Variants in LZTS1 observed in about 807,000 individuals in gnomAD.
LZTS1 encodes leucine zipper putative tumor suppressor 1.
LZTS1 carries 31 observed loss-of-function variants against 45.8 expected under a neutral mutation model. That is an observed-to-expected ratio of 0.68 (90% CI 0.51 to 0.91). LZTS1 has a LOEUF of 0.91. Among genes scored for constraint, LZTS1 ranks in the 40% least tolerant of loss-of-function variants. LZTS1 has a pLI of 0.00. For synonymous variants in LZTS1, 359 were observed against 357.3 expected, an observed-to-expected ratio of 1.00 and a Z score of -0.05; for missense variants, 821 against 788.9, an observed-to-expected ratio of 1.04 and a Z score of -0.49.
chr8:20,294,275 G>C (rs2128899313), intron 1 of LZTS1, among the ~76,000 whole-genome samples: 1 of 152,356 alleles, frequency 6.6e-6, no homozygotes, highest in African/African-American at 2.4e-5. Flanking sequence ...TGGAAGCCCA[G>C]AGAAGCCAAA....
In LZTS1 at chr8:20,253,006, G is replaced by A. The variant is rs1799978112; in HGVS notation, c.925C>T (p.Pro309Ser). Residue 309 changes from proline to serine, a missense_variant, in exon 3 of 4, where the codon CCG becomes TCG. Transcript: ENST00000381569. ...PRRCRDELEGPEPKGGNKLKQ... is the reference protein window; with the variant it reads ...PRRCRDELEGSEPKGGNKLKQ... Reference sequence around the variant, plus strand: ...AGCTTGTTGCCGCCTTTGGGCTCCGGGCCCTCCAGCTCGTCCCTGCAGCGC... The same window carrying A: ...AGCTTGTTGCCGCCTTTGGGCTCCGAGCCCTCCAGCTCGTCCCTGCAGCGC... 6.3e-7 allele frequency: 1 copy of A among 1,592,588 alleles called. No individual in the cohort carries two copies.
chr8:20,250,078 G>C lies in LZTS1; in HGVS notation c.1435C>G (p.Arg479Gly), dbSNP rs1461997371. Residue 479 changes from arginine to glycine, a missense_variant, in exon 4 of 4, where the codon CGG (arginine) becomes GGG (glycine). Arg to Gly is a moderately radical substitution (Grantham distance 125). Transcript: ENST00000381569. ...NLLEQELQEL[R>G]AQAALARDMG... is the part of the protein sequence containing the mutation. ...TCGCGGGCCAGGGCGGCCTGGGCCC[G>C]CAGCTCCTGCAGCTCCTGCTCCAGC... 1 of 1,606,456 alleles carries C rather than the reference G, an allele frequency of 6.2e-7. No individual in the cohort carries two copies. Among genetic ancestry groups the C allele is most frequent in the Non-Finnish European group, 8.5e-7 (1 of 1,179,208 alleles).
intron 1 of LZTS1, among the ~76,000 whole-genome samples, chr8:20,298,683 C>G (rs981566490): frequency 1.3e-5 from 2 of 152,034 alleles, no homozygotes; most frequent in Non-Finnish European, 2.9e-5. Flanking sequence ...AGCAACATAG[C>G]GAGACCTTAT....
intron 1 of LZTS1, among the ~76,000 whole-genome samples, chr8:20,294,752 G>T (rs570264497): frequency 1.3e-5 from 2 of 152,006 alleles, no homozygotes; most frequent in African/African-American, 4.8e-5. Context: ...AATAAGGGAA[G>T]CTACCCTGAG....
intron 1 of LZTS1, among the ~76,000 whole-genome samples, chr8:20,281,412 A>G (rs959103299): frequency 6.6e-6 from 1 of 152,092 alleles, no homozygotes; most frequent in African/African-American, 2.4e-5. Flanking sequence ...ATACAAAAAA[A>G]AAAAAAAAAA....
chr8:20,278,557 T>G (rs1433093884), intron 1 of LZTS1, among the ~76,000 whole-genome samples: 4 of 152,208 alleles, frequency 2.6e-5, no homozygotes, highest in Non-Finnish European at 5.9e-5. Context: ...CCTGCCCTGA[T>G]AGTTGTTAAT....
intron 1 of LZTS1, among the ~76,000 whole-genome samples, chr8:20,280,288 G>C (rs555567954): frequency 2.0e-5 from 3 of 152,298 alleles, no homozygotes; most frequent in African/African-American, 7.2e-5. Flanking sequence ...TAATTGGAAG[G>C]ACTTTGGCTC....
At position 20,249,692 on chromosome 8, in the gene LZTS1, G is replaced by C. The variant is rs550115720; in HGVS notation, c.*30C>G. ...GGAGAGCCCTGCCTCCCAGTGCCAGGTCCCCAGACTCGCCTTCCCAGGCAG... is the reference window on the plus strand; with the variant it reads ...GGAGAGCCCTGCCTCCCAGTGCCAGCTCCCCAGACTCGCCTTCCCAGGCAG... On this transcript the variant is annotated 3_prime_UTR_variant, in exon 4 of 4. Coordinates refer to ENST00000381569, the MANE Select transcript of LZTS1 (RefSeq NM_021020.5). The C allele has an allele frequency of 6.4e-7, 1 of 1,573,538 alleles. No homozygotes were observed. The highest frequency in any genetic ancestry group is 8.6e-7 in the Non-Finnish European group (1 of 1,163,584).
chr8:20,282,480 C>G (rs1800712665), intron 1 of LZTS1, among the ~76,000 whole-genome samples: 1 of 152,242 alleles, frequency 6.6e-6, no homozygotes, highest in Non-Finnish European at 1.5e-5. Context: ...AGCATAGGCT[C>G]TAAGGTCAAA....
At chr8:20,280,356 T>C (rs1407921817) in intron 1 of LZTS1, among the ~76,000 whole-genome samples, 1 of 152,180 alleles carries the variant, frequency 6.6e-6, no homozygotes, top group African/African-American at 2.4e-5. Flanking sequence ...TGGATGTGGC[T>C]CGTGTTCCTG....
At chr8:20,277,303 G>T (rs1046802218) in intron 1 of LZTS1, among the ~76,000 whole-genome samples, 1 of 152,174 alleles carries the variant, frequency 6.6e-6, no homozygotes, top group Non-Finnish European at 1.5e-5. Flanking sequence ...TAAAAAGGGA[G>T]GAACCCTCAG....
At chr8:20,279,681 CA>C (rs34501896) in intron 1 of LZTS1, among the ~76,000 whole-genome samples, 34 of 70,942 alleles carry the variant, frequency 4.8e-4, no homozygotes, top group African/African-American at 6.4e-4. Context: ...GACCCTGTCT[CA>C]AAAAAAAAAA....
chr8:20,269,247 T>A (rs1419677398), intron 1 of LZTS1, among the ~76,000 whole-genome samples: 1 of 152,040 alleles, frequency 6.6e-6, no homozygotes, highest in Non-Finnish European at 1.5e-5. Context: ...CACCGCTGGA[T>A]AAAGGGAGCC....
intron 1 of LZTS1, among the ~76,000 whole-genome samples, chr8:20,280,738 C>A (rs918940408): frequency 1.3e-5 from 2 of 152,094 alleles, no homozygotes; most frequent in Admixed American, 1.3e-4. Flanking sequence ...GCACTGTCAG[C>A]GACATCACTC....
chr8:20,302,314 T>C (rs1801094268), intron 1 of LZTS1, among the ~76,000 whole-genome samples: 1 of 152,134 alleles, frequency 6.6e-6, no homozygotes, highest in African/African-American at 2.4e-5. Context: ...CCCACAGACT[T>C]CTACCCACAG....
chr8:20,248,667 G>C lies in LZTS1; in HGVS notation c.*1055C>G, dbSNP rs374224097. On this transcript the variant is annotated 3_prime_UTR_variant, in exon 4 of 4. Transcript: ENST00000381569. ...AGGTGCTAAGGGGGAAAGGTTTGCCGCTAAACCTGGCTGTAGGCAGAGGAG... is the reference window on the plus strand; with the variant it reads ...AGGTGCTAAGGGGGAAAGGTTTGCCCCTAAACCTGGCTGTAGGCAGAGGAG... 1 of 152,230 alleles carries C rather than the reference G, an allele frequency of 6.6e-6. No homozygotes were observed. The highest frequency in any genetic ancestry group is 6.5e-5 in the Admixed American group (1 of 15,276). 9.4% of individuals were successfully genotyped at this position (152,230 alleles called of 1,614,324 possible). A position where few individuals can be genotyped will look rare whatever the true frequency, so the allele number is the denominator to read the frequency against.
At chr8:20,257,229 A>G (rs1381086635) in intron 1 of LZTS1, among the ~76,000 whole-genome samples, 1 of 152,054 alleles carries the variant, frequency 6.6e-6, no homozygotes, top group African/African-American at 2.4e-5. Context: ...GCATGGTGGC[A>G]CGCACCTGTA....
intron 1 of LZTS1, among the ~76,000 whole-genome samples, chr8:20,271,337 T>A (rs1387568472): frequency 6.6e-6 from 1 of 151,948 alleles, no homozygotes; most frequent in Non-Finnish European, 1.5e-5. Flanking sequence ...TCTCCTGGAG[T>A]CTGTGGACCC....
Position 20,275,462 on chromosome 8 carries a change from C to A in LZTS1, c.-134-20147G>T, listed in dbSNP as rs566099184. Among the ~76,000 whole-genome samples the A allele has an allele frequency of 7.2e-5, 11 of 151,842 alleles. No individual in the cohort carries two copies. In the South Asian group the frequency reaches 1.9e-3, roughly 26 times the overall value. On this transcript the variant is annotated intron_variant, in intron 1 of 3. Transcript: ENST00000381569. Reference sequence around the variant, plus strand: ...GGTTAGCTCCCAGCCTTACTTCCCCCACCCGGGAGAAGCTTTCCTGCAGAC... The same window carrying A: ...GGTTAGCTCCCAGCCTTACTTCCCCAACCCGGGAGAAGCTTTCCTGCAGAC...
Sources: gnomAD v4.1 joint callset for allele counts (sites outside exome capture counted in the v4.1 genomes callset) on GRCh38, gnomAD v4.1.1 for gene constraint, MANE v1.5 for transcripts, NCBI Gene and HGNC (gene_info 2026-07-23, HGNC 2026-07-21) for gene names.